Variants in PTPN3 observed in about 807,000 individuals in gnomAD.
PTPN3 encodes the protein protein tyrosine phosphatase non-receptor type 3, also known as tyrosine-protein phosphatase non-receptor type 3.
In PTPN3, 96 loss-of-function variants were observed where a neutral mutation model predicts 132.7. The ratio of observed to expected loss-of-function variants is 0.72; its 90% CI spans 0.61 to 0.86. The LOEUF (loss-of-function observed/expected upper bound fraction) is 0.86. PTPN3 is among the 40% of genes least tolerant of loss of function. PTPN3 has a pLI of 0.00. For missense variants in PTPN3, 1,125 were observed against 1,159.6 expected (o/e 0.97, Z 0.43); for synonymous variants, 398 against 429.0 (o/e 0.93, Z 0.89).
At chr9:109,446,372 G>T (rs1306379158) in intron 6 of PTPN3, among the ~76,000 whole-genome samples, 1 of 152,222 alleles carries the variant, frequency 6.6e-6, no homozygotes, top group South Asian at 2.1e-4. Context: ...TGCACTGTGT[G>T]CTGGTTCTGC....
At chr9:109,404,644 G>C in intron 18 of PTPN3, 36 bp from the exon 19 acceptor site, 1 of 1,404,628 alleles carries the variant, frequency 7.1e-7, no homozygotes, top group Non-Finnish European at 9.4e-7. Context: ...GACTTGTGTA[G>C]CAATACTCAG....
intron 1 of PTPN3, among the ~76,000 whole-genome samples, chr9:109,475,816 G>A (rs944424683): frequency 6.6e-6 from 1 of 152,170 alleles, no homozygotes; most frequent in African/African-American, 2.4e-5. Flanking sequence ...CCAAGAAGCT[G>A]GAATCTCACA....
rs1376450010 is a variant in PTPN3 at position 109,457,195 on chromosome 9, TTTGC to T, written c.263_266del (p.Ser88LysfsTer7). The T allele has an allele frequency of 6.2e-7, 1 of 1,613,806 alleles. No individual in the cohort carries two copies. Among genetic ancestry groups the T allele is most frequent in the Non-Finnish European group, 8.5e-7 (1 of 1,179,900 alleles). On this transcript the variant is annotated frameshift_variant, in exon 4 of 26. Coordinates refer to ENST00000374541, the MANE Select transcript of PTPN3 (RefSeq NM_002829.4). LOFTEE classifies it high-confidence loss of function. ...AACCTTTTAACTGCTTCCTGATGGCTTTGCTTGCTTCCAGCCATCTCTGTTGGAC... is the reference window on the plus strand; with the variant it reads ...AACCTTTTAACTGCTTCCTGATGGCTTTGCTTCCAGCCATCTCTGTTGGAC...
chr9:109,417,126 G>A (rs1486976104), intron 14 of PTPN3, among the ~76,000 whole-genome samples: 1 of 152,208 alleles, frequency 6.6e-6, no homozygotes, highest in Non-Finnish European at 1.5e-5. Context: ...ATGGCTGATA[G>A]AACCTTGGGA....
At position 109,420,442 on chromosome 9, in the gene PTPN3, T is replaced by A. The variant is rs1204707512; in HGVS notation, c.1295A>T (p.Asn432Ile). The stretch of plus-strand genomic sequence containing the variant: ...TTCTTACTCTTGGTGCGGGCTTCGG[T>A]TCTGAGAAACTTCAGAATCGCTGTC... ...PQDSDSEVSQ[N>I]RSPHQESLSE... is the part of the protein sequence containing the mutation. The change falls in exon 14 of 26, where the codon AAC becomes ATC. Residue 432 changes from asparagine to isoleucine, a missense_variant. Transcript: ENST00000374541. 1.2e-6 allele frequency: 2 copies of A among 1,602,648 alleles called. No individual in the cohort carries two copies. The highest frequency in any genetic ancestry group is 8.5e-7 in the Non-Finnish European group (1 of 1,171,804).
chr9:109,472,077 T>C (rs375416268), intron 1 of PTPN3, among the ~76,000 whole-genome samples: 2 of 152,226 alleles, frequency 1.3e-5, no homozygotes, highest in Non-Finnish European at 1.5e-5. Flanking sequence ...TCCTAAATCA[T>C]TGTTGATGAA....
intron 7 of PTPN3, among the ~76,000 whole-genome samples, chr9:109,441,905 CTTTATTT>C (rs977763207): frequency 5.9e-5 from 9 of 152,086 alleles, no homozygotes; most frequent in African/African-American, 1.9e-4. Flanking sequence ...CTATGCCGGA[CTTTATTT>C]TTTATGTAAT....
chr9:109,497,992 C>T (rs1179240132), intron 1 of PTPN3, among the ~76,000 whole-genome samples: 4 of 145,954 alleles, frequency 2.7e-5, no homozygotes, highest in African/African-American at 4.9e-5. Flanking sequence ...CACCCGGCGC[C>T]CCGCCCGCGC....
chr9:109,442,995 ATCAC>A (rs1398856363), intron 7 of PTPN3, among the ~76,000 whole-genome samples: 1 of 152,150 alleles, frequency 6.6e-6, no homozygotes, highest in Non-Finnish European at 1.5e-5. Flanking sequence ...GCTGTCTTAA[ATCAC>A]TCACCTCAGT....
intron 19 of PTPN3, among the ~76,000 whole-genome samples, chr9:109,393,373 GTTTTT>G (rs754599159): frequency 7.1e-6 from 1 of 139,924 alleles, no homozygotes; most frequent in South Asian, 2.2e-4. Context: ...ATTTTTAATG[GTTTTT>G]TTTGTCTTTT....
intron 22 of PTPN3, among the ~76,000 whole-genome samples, 163 bp from the exon 23 acceptor site, chr9:109,383,714 G>C (rs535174532): frequency 6.6e-6 from 1 of 152,312 alleles, no homozygotes; most frequent in African/African-American, 2.4e-5. Flanking sequence ...TCTCAGGGCG[G>C]GGTGGGGGCA....
At chr9:109,514,431 T>C in the PTPN3 span, among the ~76,000 whole-genome samples, 1 of 152,140 alleles carries the variant, frequency 6.6e-6, no homozygotes, top group Admixed American at 6.6e-5. Flanking sequence ...GAAGTGAGAA[T>C]GTGAAGAAGA....
intron 2 of PTPN3, among the ~76,000 whole-genome samples, chr9:109,461,352 C>G (rs747764131): frequency 3.9e-5 from 6 of 152,170 alleles, no homozygotes; most frequent in Non-Finnish European, 7.3e-5. Context: ...ATCTTTAACA[C>G]ACATCGTAGG....
At chr9:109,444,733 T>C (rs1388109638) in intron 7 of PTPN3, among the ~76,000 whole-genome samples, 2 of 152,218 alleles carry the variant, frequency 1.3e-5, no homozygotes, top group Admixed American at 1.3e-4. Context: ...TAGATCAATA[T>C]ACAATCCATT....
At chr9:109,452,337 T>C (rs912107932) in intron 5 of PTPN3, among the ~76,000 whole-genome samples, 1 of 151,606 alleles carries the variant, frequency 6.6e-6, no homozygotes, top group African/African-American at 2.4e-5. Context: ...CTTACTATAG[T>C]TTTATAAAAC....
At chr9:109,524,630 G>A in the PTPN3 span, among the ~76,000 whole-genome samples, 3 of 152,252 alleles carry the variant, frequency 2.0e-5, no homozygotes, top group Non-Finnish European at 4.4e-5. Context: ...ATGTCTGCAT[G>A]TGGACAAAGC....
chr9:109,450,148 C>T (rs1358055324), intron 5 of PTPN3: 1 of 984,620 alleles, frequency 1.0e-6, no homozygotes, highest in South Asian at 4.7e-5. Flanking sequence ...CATGTCGTAA[C>T]TCTAATATTA....
chr9:109,487,305 G>C (rs1443074416), intron 1 of PTPN3, among the ~76,000 whole-genome samples: 1 of 152,226 alleles, frequency 6.6e-6, no homozygotes, highest in Non-Finnish European at 1.5e-5. Flanking sequence ...CTTAACAAGT[G>C]AGCAGTCCCT....
At chr9:109,382,206 G>A in intron 24 of PTPN3, 96 bp downstream of exon 24, 17 of 1,418,298 alleles carry the variant, frequency 1.2e-5, no homozygotes, top group Non-Finnish European at 9.7e-6. Flanking sequence ...ACACGACTTT[G>A]TGGGATGTAG....
Sources: gnomAD v4.1 joint callset for allele counts (sites outside exome capture counted in the v4.1 genomes callset) on GRCh38, gnomAD v4.1.1 for gene constraint, MANE v1.5 for transcripts, NCBI Gene and HGNC (gene_info 2026-07-23, HGNC 2026-07-21) for gene names.